BCL9L: variants seen among roughly 807,000 people sequenced by gnomAD.
BCL9L encodes the protein B-cell CLL/lymphoma 9-like protein.
Under a neutral mutation model 99.4 loss-of-function variants are expected in BCL9L, and 19 were observed. That is an observed-to-expected ratio of 0.19 (90% CI 0.13 to 0.28). The LOEUF is 0.28. Among genes scored for constraint, BCL9L ranks in the 10% least tolerant of loss-of-function variants. BCL9L has a pLI of 1.00. For missense variants in BCL9L, 2,023 were observed against 2,101.6 expected (o/e 0.96, Z 0.73); for synonymous variants, 900 against 854.8 (o/e 1.05, Z -0.92).
chr11:118,920,398 G>T (rs1237863531), intron 1 of BCL9L, among the ~76,000 whole-genome samples: 1 of 152,184 alleles, frequency 6.6e-6, no homozygotes, highest in Non-Finnish European at 1.5e-5. Flanking sequence ...AAGGCTACAA[G>T]GGCAGCTGGC....
intron 2 of BCL9L, among the ~76,000 whole-genome samples, chr11:118,912,889 TGGCTCA>T (rs1421498536): frequency 6.6e-6 from 1 of 152,136 alleles, no homozygotes; most frequent in Non-Finnish European, 1.5e-5. Context: ...CCTTGGCCTC[TGGCTCA>T]GGGAGATACA....
At position 118,922,703 on chromosome 11, in the gene BCL9L, C is replaced by G. The variant is rs948460930; in HGVS notation, c.-131+2535G>C. On this transcript the variant is annotated intron_variant, in intron 1 of 9. Coordinates refer to ENST00000683865, the MANE Select transcript of BCL9L (RefSeq NM_001378213.1). The surrounding 1 kb of genome is among the most constrained non-coding windows in gnomAD (Gnocchi z 6.2). ...TCCCCCTTCTGCCCCCTCCCCCCAT[C>G]GGAGGTCAGCACCCGGGCAGTGCCC... Among the ~76,000 whole-genome samples, 7 of 152,066 alleles carry G rather than the reference C, an allele frequency of 4.6e-5. No homozygotes were observed. Among genetic ancestry groups the G allele is most frequent in the African/African-American group, 1.7e-4 (7 of 41,394 alleles).
chr11:118,901,613 C>G lies in BCL9L; in HGVS notation c.2130G>C (p.Arg710=). The change falls in exon 8 of 10, where the codon CGG becomes CGC. Residue 710 remains arginine (R), a synonymous_variant. Coordinates refer to ENST00000683865, the MANE Select transcript of BCL9L (RefSeq NM_001378213.1). This position sits in a 1 kb window ranked among gnomAD's most constrained non-coding sequence, Gnocchi z 6.6. The part of the protein sequence containing the change: ...SGMGQSMEME[R]MMQAHRQMDP... ...CCATCTGTCGGTGCGCCTGCATCAT[C>G]CGCTCCATCTCCATGCTCTGTCCCA... 6.2e-7 allele frequency: 1 copy of G among 1,614,056 alleles called. No homozygotes were observed. Among genetic ancestry groups the G allele is most frequent in the Non-Finnish European group, 8.5e-7 (1 of 1,180,028 alleles).
At position 118,901,679 on chromosome 11, in the gene BCL9L, C is replaced by T. The variant is rs1218973462; in HGVS notation, c.2064G>A (p.Ser688=). Residue 688 remains serine (S), a synonymous_variant, in exon 8 of 10, where the codon TCG becomes TCA. Transcript: ENST00000683865. This position sits in a 1 kb window ranked among gnomAD's most constrained non-coding sequence, Gnocchi z 6.6. ...TGCCCAGGGGGCGCTGCATGCCCAT[C>T]GACCGCTTCTCCAGCAGCTGGTGCC... ...LLRHQLLEKR[S]MGMQRPLGMA... is the part of the protein sequence containing the mutation. 4 of 1,613,634 alleles carry T rather than the reference C, an allele frequency of 2.5e-6. No homozygotes were observed. Among genetic ancestry groups the T allele is most frequent in the East Asian group, 4.5e-5 (2 of 44,900 alleles).
At position 118,900,925 on chromosome 11, in the gene BCL9L, C is replaced by A. The variant is rs1940197763; in HGVS notation, c.2818G>T (p.Val940Leu). 3 of 1,573,920 alleles carry A rather than the reference C, an allele frequency of 1.9e-6. No homozygotes were observed. The highest frequency in any genetic ancestry group is 1.3e-5 in the African/African-American group (1 of 74,288). Residue 940 changes from valine (V) to leucine (L), a missense_variant, in exon 8 of 10, where the codon GTG (valine) becomes TTG (leucine). Val to Leu is a conservative substitution (Grantham distance 32). Around this residue, in one of 3 missense-constraint regions of BCL9L, gnomAD observed 902 missense variants for 888.2 expected, o/e 1.02. Transcript: ENST00000683865. This position sits in a 1 kb window ranked among gnomAD's most constrained non-coding sequence, Gnocchi z 5.3. ...GHLKSPTLSQVHSPLVTSPSA... is the reference protein window; with the variant it reads ...GHLKSPTLSQLHSPLVTSPSA... ...GGCGAGGTGACCAGGGGTGAGTGCACCTGGCTAAGGGTGGGCGACTTCAAG... is the reference window on the plus strand; with the variant it reads ...GGCGAGGTGACCAGGGGTGAGTGCAACTGGCTAAGGGTGGGCGACTTCAAG...
intron 4 of BCL9L, among the ~76,000 whole-genome samples, chr11:118,907,971 G>T (rs759654833): frequency 6.6e-5 from 10 of 152,146 alleles, no homozygotes; most frequent in Non-Finnish European, 1.0e-4. Flanking sequence ...TGGGTCTGGG[G>T]TCTGCTCCTC....
chr11:118,900,010 T>C lies in BCL9L; in HGVS notation c.3313A>G (p.Asn1105Asp). The part of the protein sequence containing the change: ...AMPSSTPLYH[N>D]AIKTIATSDD... ...GAGGTGGCGATGGTCTTGATGGCAT[T>C]GTGGTAGAGCGGGGTGGAGCTGGGC... is the stretch of plus-strand genomic sequence containing the variant. Residue 1105 changes from asparagine to aspartate, a missense_variant, in exon 9 of 10, where the codon AAT (asparagine) becomes GAT (aspartate). Physicochemically the swap from Asn to Asp is conservative, Grantham distance 23 (BLOSUM62 1). This residue lies in a region of BCL9L where 902 missense variants were observed against 888.2 expected (regional missense o/e 1.02). Transcript: ENST00000683865. The surrounding 1 kb of genome is among the most constrained non-coding windows in gnomAD (Gnocchi z 5.3). The C allele has an allele frequency of 6.2e-7, 1 of 1,613,862 alleles. No homozygotes were observed. Among genetic ancestry groups the C allele is most frequent in the Non-Finnish European group, 8.5e-7 (1 of 1,179,950 alleles).
rs1261487146 is a variant in BCL9L, at chr11:118,900,707, C to T, written c.3036G>A (p.Lys1012=). ...VPSPGWVASP[K]TAMPSPGVSQ... is the part of the protein sequence containing the mutation. ...AGACCCCCGGGCTGGGCATGGCCGT[C>T]TTAGGTGAGGCAACCCAGCCTGGAG... is the stretch of plus-strand genomic sequence containing the variant. The change falls in exon 8 of 10, where the codon AAG becomes AAA. Residue 1012 remains lysine, a synonymous_variant. Transcript: ENST00000683865. The surrounding 1 kb of genome is among the most constrained non-coding windows in gnomAD (Gnocchi z 5.3). The T allele has an allele frequency of 6.2e-7, 1 of 1,613,924 alleles. No homozygotes were observed. Among genetic ancestry groups the T allele is most frequent in the South Asian group, 1.1e-5 (1 of 91,074 alleles).
chr11:118,908,391 G>T lies in BCL9L; in HGVS notation c.291C>A (p.Pro97=). The change falls in exon 4 of 10, where the codon CCC becomes CCA. Residue 97 remains proline, a synonymous_variant. Transcript: ENST00000683865. The part of the protein sequence containing the change: ...ISPSNSSLKN[P]QAGVPPFSSL... ...AGCTGAAAGGGGGCACCCCTGCCTG[G>T]GGGTTCTTCAGACTTGAGTTGCTAG... 1 of 1,613,988 alleles carries T rather than the reference G, an allele frequency of 6.2e-7. No homozygotes were observed. The highest frequency in any genetic ancestry group is 1.1e-5 in the South Asian group (1 of 91,074).
chr11:118,903,463 G>C lies in BCL9L; in HGVS notation c.533-11C>G, dbSNP rs1186364651. On this transcript the variant is annotated splice_polypyrimidine_tract_variant and intron_variant, in intron 5 of 9. Transcript: ENST00000683865. The surrounding 1 kb of genome is among the most constrained non-coding windows in gnomAD (Gnocchi z 5.6). Reference sequence around the variant, plus strand: ...CTGCTACATTACAATCTGCAGGAGAGAGGACAGGGAAAGGGGCTAAGTGGT... The same window carrying C: ...CTGCTACATTACAATCTGCAGGAGACAGGACAGGGAAAGGGGCTAAGTGGT... The C allele has an allele frequency of 2.6e-5, 42 of 1,612,822 alleles. No homozygotes were observed. Among genetic ancestry groups the C allele is most frequent in the Non-Finnish European group, 3.5e-5 (41 of 1,179,404 alleles).
chr11:118,901,537 T>C lies in BCL9L; in HGVS notation c.2206A>G (p.Thr736Ala). The C allele has an allele frequency of 6.2e-7, 1 of 1,613,922 alleles. No individual in the cohort carries two copies. The highest frequency in any genetic ancestry group is 2.2e-5 in the East Asian group (1 of 44,856). Residue 736 changes from threonine (T) to alanine (A), a missense_variant, in exon 8 of 10, where the codon ACT becomes GCT. Thr to Ala is a moderately conservative substitution (Grantham distance 58, BLOSUM62 0). Around this residue, in one of 3 missense-constraint regions of BCL9L, gnomAD observed 1,116 missense variants for 1,194.6 expected, o/e 0.93. Transcript: ENST00000683865. This position sits in a 1 kb window ranked among gnomAD's most constrained non-coding sequence, Gnocchi z 6.6. ...CCACCAAACTCCATGCCCATGGGAGTGCCCGCCAGGCCCTCACCACCAGCC... is the reference window on the plus strand; with the variant it reads ...CCACCAAACTCCATGCCCATGGGAGCGCCCGCCAGGCCCTCACCACCAGCC... ...QMAGGEGLAGTPMGMEFGGGR... is the reference protein window; with the variant it reads ...QMAGGEGLAGAPMGMEFGGGR...
At chr11:118,910,205 T>G in intron 2 of BCL9L, 190 bp from the exon 3 acceptor site, 2 of 509,028 alleles carry the variant, frequency 3.9e-6, no homozygotes, top group Non-Finnish European at 3.6e-6. Flanking sequence ...CTCCCGCACC[T>G]TGCCCTCAGG....
At position 118,914,711 on chromosome 11, in the gene BCL9L, C is replaced by G. The variant is rs1221900226; in HGVS notation, c.-77+4115G>C. On this transcript the variant is annotated intron_variant, in intron 2 of 9. Coordinates refer to ENST00000683865, the MANE Select transcript of BCL9L (RefSeq NM_001378213.1). The surrounding 1 kb of genome is among the most constrained non-coding windows in gnomAD (Gnocchi z 4.4). ...AGGGGATTGTGAGAGCAGTGACAGGCAGGGTCCCCTGTCCCCAGGCCTCCT... is the reference window on the plus strand; with the variant it reads ...AGGGGATTGTGAGAGCAGTGACAGGGAGGGTCCCCTGTCCCCAGGCCTCCT... Among the ~76,000 whole-genome samples the G allele has an allele frequency of 6.6e-6, 1 of 152,196 alleles. No homozygotes were observed. The highest frequency in any genetic ancestry group is 1.5e-5 in the Non-Finnish European group (1 of 68,022).
At chr11:118,924,916 C>A (rs1941242100) in intron 1 of BCL9L, among the ~76,000 whole-genome samples, 1 of 152,230 alleles carries the variant, frequency 6.6e-6, no homozygotes, top group South Asian at 2.1e-4. Flanking sequence ...GGGACTACAT[C>A]TCCCAGAAGC....
At position 118,902,354 on chromosome 11, in the gene BCL9L, C is replaced by T. The variant is rs1228703802; in HGVS notation, c.1389G>A (p.Lys463=). The change falls in exon 8 of 10, where the codon AAG becomes AAA. Residue 463 remains lysine, a synonymous_variant. Transcript: ENST00000683865. This position sits in a 1 kb window ranked among gnomAD's most constrained non-coding sequence, Gnocchi z 7.8. ...QPPTAPPSGL[K]KYEEPLQSMI... ...TGGACTGCAAGGGTTCCTCATATTT[C>T]TTCAGCCCGCTGGGAGGGGCCGTGG... 18 of 1,518,308 alleles carry T rather than the reference C, an allele frequency of 1.2e-5. No individual in the cohort carries two copies. The highest frequency in any genetic ancestry group is 1.6e-5 in the Non-Finnish European group (18 of 1,133,054). 94.1% of individuals were successfully genotyped at this position (1,518,308 alleles called of 1,614,324 possible). A position where few individuals can be genotyped will look rare whatever the true frequency, so the allele number is the denominator to read the frequency against.
chr11:118,908,716 A>C, intron 3 of BCL9L, 61 bp from the exon 4 acceptor site: 1 of 1,471,352 alleles, frequency 6.8e-7, no homozygotes, highest in Non-Finnish European at 9.2e-7. Flanking sequence ...CATGCCTGCA[A>C]CTTAATTACC....
chr11:118,899,011 C>T lies in BCL9L; in HGVS notation c.3904G>A (p.Ala1302Thr). ...AYPPGVLPGV[A>T]SVLNDPELSE... is the part of the protein sequence containing the mutation. ...AGCTCGGGGTCGTTCAGCACTGATG[C>T]CACCCCAGGGAGCACACCCGGTGGG... Residue 1302 changes from alanine to threonine, a missense_variant, in exon 10 of 10, where the codon GCA becomes ACA. Transcript: ENST00000683865. 1.2e-6 allele frequency: 2 copies of T among 1,613,818 alleles called. No homozygotes were observed. The highest frequency in any genetic ancestry group is 1.7e-6 in the Non-Finnish European group (2 of 1,179,948).
Position 118,907,487 on chromosome 11 carries a change from G to C in BCL9L, c.528C>G (p.Thr176=). ...CTGGCATCGACAGGCACTCACTGTG[G>C]GTGGCCCCAATGGGCTTGTCGTCCT... ...SEEDDKPIGA[T]HNCNVADPAM... is the part of the protein sequence containing the mutation. The change falls in exon 5 of 10, where the codon ACC becomes ACG. Residue 176 remains threonine, a synonymous_variant. Transcript: ENST00000683865. 6 of 1,614,166 alleles carry C rather than the reference G, an allele frequency of 3.7e-6. No homozygotes were observed. The highest frequency in any genetic ancestry group is 5.1e-6 in the Non-Finnish European group (6 of 1,180,030).
chr11:118,905,778 T>C (rs902799424), intron 5 of BCL9L, among the ~76,000 whole-genome samples: 183 of 147,696 alleles, frequency 1.2e-3, no homozygotes, highest in Non-Finnish European at 6.6e-4. Context: ...GTTCGTGCCA[T>C]TGCACTCCAG....
Sources: gnomAD v4.1 joint callset for allele counts (sites outside exome capture counted in the v4.1 genomes callset) on GRCh38, gnomAD v4.1.1 for gene constraint, gnomAD v4.1.1 regional missense constraint, Gnocchi (gnomAD v3.1) non-coding constraint, MANE v1.5 for transcripts, NCBI Gene and HGNC (gene_info 2026-07-23, HGNC 2026-07-21) for gene names.